ZNF91: variants seen among roughly 807,000 people sequenced by gnomAD.
ZNF91 encodes the protein zinc finger protein 91 (HPF7, HTF10).
In ZNF91, 7 loss-of-function variants were observed where a neutral mutation model predicts 12.6. The ratio of observed to expected loss-of-function variants is 0.55; its 90% CI spans 0.31 to 1.04. The LOEUF (loss-of-function observed/expected upper bound fraction) is 1.04, where lower values mean the gene tolerates loss of function less well. Among genes scored for constraint, ZNF91 ranks in the 50% least tolerant of loss-of-function variants. The pLI is 0.05. For missense variants in ZNF91, 1,217 were observed against 1,385.4 expected (o/e 0.88, Z 1.93); for synonymous variants, 453 against 462.6 (o/e 0.98, Z 0.27).
chr19:23,369,276 C>T (rs1383557095), intron 3 of ZNF91, among the ~76,000 whole-genome samples: 1 of 151,928 alleles, frequency 6.6e-6, no homozygotes, highest in East Asian at 1.9e-4. Flanking sequence ...TGCCATTGCA[C>T]TCCACCCTGG....
chr19:23,350,884 C>T (rs963340055), intron 3 of ZNF91, among the ~76,000 whole-genome samples: 2 of 152,134 alleles, frequency 1.3e-5, no homozygotes, highest in African/African-American at 4.8e-5. Flanking sequence ...GATGCCATTT[C>T]AGGCCTCAGC....
Position 23,359,203 on chromosome 19 carries a change from G to A in ZNF91, c.*200C>T. On this transcript the variant is annotated 3_prime_UTR_variant, in exon 4 of 4. Coordinates refer to ENST00000300619, the MANE Select transcript of ZNF91 (RefSeq NM_003430.4). Reference sequence around the variant, plus strand: ...TTTGCCACATTCTTTATATTTGTAGGGTTTCTCTCTAGTATGAATTTTCTT... The same window carrying A: ...TTTGCCACATTCTTTATATTTGTAGAGTTTCTCTCTAGTATGAATTTTCTT... 1 of 496,794 alleles carries A rather than the reference G, an allele frequency of 2.0e-6. No individual in the cohort carries two copies. The highest frequency in any genetic ancestry group is 2.1e-5 in the South Asian group (1 of 46,536). 30.8% of individuals were successfully genotyped at this position (496,794 alleles called of 1,614,324 possible). A position where few individuals can be genotyped will look rare whatever the true frequency, so the allele number is the denominator to read the frequency against.
chr19:23,373,988 A>G, intron 2 of ZNF91, 151 bp from the exon 3 acceptor site: 1 of 433,738 alleles, frequency 2.3e-6, no homozygotes, highest in Non-Finnish European at 3.9e-6. Flanking sequence ...TATTTAGAAG[A>G]TATTTTAATT....
At chr19:23,376,976 G>A (rs1969525467) in intron 1 of ZNF91, among the ~76,000 whole-genome samples, 1 of 151,990 alleles carries the variant, frequency 6.6e-6, no homozygotes, top group African/African-American at 2.4e-5. Flanking sequence ...CACACCCAAA[G>A]GCAGAAGGCC....
intron 3 of ZNF91, among the ~76,000 whole-genome samples, chr19:23,369,481 C>A (rs889340474): frequency 1.3e-5 from 2 of 152,038 alleles, no homozygotes; most frequent in Admixed American, 1.3e-4. Context: ...CCCCTCTGCC[C>A]GGCCACCACC....
rs937292046 is a variant in ZNF91 at position 23,369,401 on chromosome 19, G to A, written c.253+4341C>T. ...CGGGAGGGAGGTGGGGTGCGCCTCCGCCCGGCCGCTGCCCCGTCCGGGAGG... is the reference window on the plus strand; with the variant it reads ...CGGGAGGGAGGTGGGGTGCGCCTCCACCCGGCCGCTGCCCCGTCCGGGAGG... On this transcript the variant is annotated intron_variant, in intron 3 of 3. Coordinates refer to ENST00000300619, the MANE Select transcript of ZNF91 (RefSeq NM_003430.4). Among the ~76,000 whole-genome samples, 8 of 151,616 alleles carry A rather than the reference G, an allele frequency of 5.3e-5. No homozygotes were observed. The South Asian group carries it at 6.3e-4, about 12-fold the overall frequency.
chr19:23,378,407 G>A lies in ZNF91; in HGVS notation c.31-3643C>T, dbSNP rs1969581226. ...GTTGATGTAAAATTCTGTTCTTTAT[G>A]CCACTGGGGAGTATTTTTAGTTCCG... is the stretch of plus-strand genomic sequence containing the variant. On this transcript the variant is annotated intron_variant, in intron 1 of 3. Transcript: ENST00000300619. Among the ~76,000 whole-genome samples, 3 of 152,132 alleles carry A rather than the reference G, an allele frequency of 2.0e-5. No homozygotes were observed. The South Asian group carries it at 6.2e-4, about 31-fold the overall frequency.
chr19:23,308,730 C>T (rs1568363274), intron 2 of ZNF91: 1 of 152,148 alleles, frequency 6.6e-6, no homozygotes, highest in Non-Finnish European at 1.5e-5. Context: ...GGTTATGGGA[C>T]TTTATTCTTT....
Position 23,350,697 on chromosome 19 carries a change from G to A in ZNF91, c.254-11643C>T, listed in dbSNP as rs115814835. ...CCAGTTCCAAGGTGCAAGGCCACTT[G>A]TCCAAGTAGCGTGCATCAGCAAGAT... On this transcript the variant is annotated intron_variant, in intron 3 of 3. Transcript: ENST00000599743. 6.0e-3 allele frequency among the ~76,000 whole-genome samples: 917 copies of A among 152,262 alleles called. 11 individuals carry two copies. Among genetic ancestry groups the A allele is most frequent in the African/African-American group, 0.021 (868 of 41,560 alleles).
chr19:23,364,848 A>G (rs1375089430), intron 3 of ZNF91, among the ~76,000 whole-genome samples: 3 of 152,210 alleles, frequency 2.0e-5, no homozygotes, highest in African/African-American at 7.2e-5. Flanking sequence ...AGATAATTCT[A>G]TTGGAAAAAG....
In ZNF91 at chr19:23,362,268, G is replaced by A. The variant is rs770390805; in HGVS notation, c.711C>T (p.Pro237=). The stretch of plus-strand genomic sequence containing the variant: ...CTTTGCCACATTCTTCACATTTGTA[G>A]GGTTTATCTTCAGTATGAATTTCCT... ...NHKEIHTEDK[P]YKCEECGKAF... Residue 237 remains proline, a synonymous_variant, in exon 4 of 4, where the codon CCC becomes CCT. Coordinates refer to ENST00000300619, the MANE Select transcript of ZNF91 (RefSeq NM_003430.4). 6.2e-7 allele frequency: 1 copy of A among 1,614,036 alleles called. No homozygotes were observed. The highest frequency in any genetic ancestry group is 8.5e-7 in the Non-Finnish European group (1 of 1,179,992).
At chr19:23,333,214 G>A (rs1278865127) in intron 1 of ZNF91, among the ~76,000 whole-genome samples, 3 of 152,168 alleles carry the variant, frequency 2.0e-5, no homozygotes, top group African/African-American at 7.2e-5. Context: ...TAAGTGTTTG[G>A]GAAATTTAGT....
intron 1 of ZNF91, among the ~76,000 whole-genome samples, chr19:23,377,902 A>AG (rs1969561188): frequency 6.6e-6 from 1 of 152,326 alleles, no homozygotes; most frequent in Non-Finnish European, 1.5e-5. Context: ...AGTGTTGAAT[A>AG]ATCCCAAGGA....
chr19:23,323,818 ACTT>A (rs2145861002), intron 1 of ZNF91: 1 of 131,656 alleles, frequency 7.6e-6, no homozygotes, highest in Non-Finnish European at 1.6e-5. Flanking sequence ...TACTCCTCCT[ACTT>A]TTCCTTTTTC....
At position 23,362,479 on chromosome 19, in the gene ZNF91, A is replaced by C; in HGVS notation, c.500T>G (p.Leu167Ter). 2 of 1,604,150 alleles carry C rather than the reference A, an allele frequency of 1.2e-6. No individual in the cohort carries two copies. Among genetic ancestry groups the C allele is most frequent in the Non-Finnish European group, 1.7e-6 (2 of 1,176,856 alleles). Residue 167 changes from leucine (L) to a stop codon, truncating the protein, a stop_gained, in exon 4 of 4, where the codon TTA (leucine) becomes TGA (stop). Transcript: ENST00000300619. LOFTEE classifies it low-confidence loss of function (END_TRUNC). ...GKYLKVFYKF[L>*]NSNRHTIRHT... ...TCTTATCGTATGTCTGTTTGAATTT[A>C]AAAATTTATAGAAGACTTTCAAATA... is the stretch of plus-strand genomic sequence containing the variant.
chr19:23,358,971 T>A lies in ZNF91; in HGVS notation c.*432A>T. Reference sequence around the variant, plus strand: ...TGTAAGATTTCTCTCCAATATGAGTTATCTTATCTGTAGTAAGGTGTGAAA... The same window carrying A: ...TGTAAGATTTCTCTCCAATATGAGTAATCTTATCTGTAGTAAGGTGTGAAA... On this transcript the variant is annotated 3_prime_UTR_variant, in exon 4 of 4. Coordinates refer to ENST00000300619, the MANE Select transcript of ZNF91 (RefSeq NM_003430.4). The A allele has an allele frequency of 2.5e-6, 1 of 392,466 alleles. No homozygotes were observed. Among genetic ancestry groups the A allele is most frequent in the Non-Finnish European group, 4.9e-6 (1 of 203,856 alleles). 24.3% of individuals were successfully genotyped at this position (392,466 alleles called of 1,614,324 possible). A position where few individuals can be genotyped will look rare whatever the true frequency, so the allele number is the denominator to read the frequency against.
intron 3 of ZNF91, chr19:23,339,363 CCT>C (rs1236293629): frequency 2.0e-5 from 3 of 151,898 alleles, no homozygotes; most frequent in Non-Finnish European, 4.4e-5. Flanking sequence ...ATCACAGCAC[CCT>C]GATTTACAAA....
chr19:23,365,813 T>C (rs1483400290), intron 3 of ZNF91, among the ~76,000 whole-genome samples: 1 of 152,112 alleles, frequency 6.6e-6, no homozygotes, highest in Non-Finnish European at 1.5e-5. Flanking sequence ...ACAAAGCACA[T>C]CTTGCACCGC....
At chr19:23,328,485 G>GA (rs927861861) in intron 1 of ZNF91, 1 of 152,192 alleles carries the variant, frequency 6.6e-6, no homozygotes, top group Non-Finnish European at 1.5e-5. Context: ...TCTGGAAGAA[G>GA]AAAAGACACT....
Sources: allele counts gnomAD v4.1 joint callset (sites outside exome capture counted in the v4.1 genomes callset), GRCh38; gene constraint gnomAD v4.1.1; transcripts MANE v1.5; gene names NCBI Gene and HGNC (gene_info 2026-07-23, HGNC 2026-07-21).